PPP1R12B: variants seen among roughly 807,000 people sequenced by gnomAD.
PPP1R12B encodes the protein protein phosphatase 1 regulatory subunit 12B, also known as myosin phosphatase target subunit 2.
Under a neutral mutation model 126.1 loss-of-function variants are expected in PPP1R12B, and 76 were observed. The observed-to-expected ratio is 0.60, with a 90% confidence interval of 0.50 to 0.73. PPP1R12B has a LOEUF of 0.73. Among genes scored for constraint, PPP1R12B ranks in the 30% least tolerant of loss-of-function variants. The probability of loss-of-function intolerance (pLI) is 0.00; values close to 1 mark genes in which losing one functional copy is unlikely to be tolerated. For missense variants in PPP1R12B, 1,052 were observed against 1,205.1 expected (o/e 0.87, Z 1.88); for synonymous variants, 356 against 434.7 (o/e 0.82, Z 2.25).
chr1:202,521,806 G>C (rs1165367484), intron 18 of PPP1R12B, among the ~76,000 whole-genome samples: 2 of 152,152 alleles, frequency 1.3e-5, no homozygotes, highest in Admixed American at 1.3e-4. Context: ...AACAATAACT[G>C]CAGCTAAGAA....
Position 202,434,659 on chromosome 1 carries a change from A to G in PPP1R12B, c.1145A>G (p.Lys382Arg), listed in dbSNP as rs751324147. 2 of 1,609,332 alleles carry G rather than the reference A, an allele frequency of 1.2e-6. No homozygotes were observed. Among genetic ancestry groups the G allele is most frequent in the South Asian group, 2.2e-5 (2 of 89,510 alleles). ...SESETEKEAD[K>R]KPEAFVNHSN... The stretch of plus-strand genomic sequence containing the variant: ...ATTCTCTTGTCTTAAATAACAGATA[A>G]AAAGCCAGAAGCCTTTGTCAATCAT... The change falls in exon 9 of 24, where the codon AAA (lysine) becomes AGA (arginine). Residue 382 changes from lysine to arginine, a missense_variant. Transcript: ENST00000608999.
At chr1:202,567,693 C>G in intron 21 of PPP1R12B, 85 bp from the exon 22 acceptor site, 2 of 1,412,686 alleles carry the variant, frequency 1.4e-6, no homozygotes, top group East Asian at 4.6e-5. Flanking sequence ...TTCTAGATGT[C>G]TAGTAGTGAA....
At position 202,585,959 on chromosome 1, in the gene PPP1R12B, A is replaced by C. The variant is rs573358083; in HGVS notation, c.*5399A>C. On this transcript the variant is annotated 3_prime_UTR_variant, in exon 24 of 24. Transcript: ENST00000608999. ...ATCTACATTGGCTCTTCACACCCAA[A>C]TAGCAGACTAATCGTTTTTCTGCTT... 21 of 152,382 alleles carry C rather than the reference A, an allele frequency of 1.4e-4. No homozygotes were observed. Among genetic ancestry groups the C allele is most frequent in the Admixed American group, 1.4e-3 (21 of 15,308 alleles). The allele number at this position is 152,382 out of a possible 1,614,324, so 9.4% of individuals were successfully genotyped here.
In PPP1R12B at chr1:202,488,556, A is replaced by G. The variant is rs541457499; in HGVS notation, c.1874A>G (p.Asp625Gly). The G allele has an allele frequency of 3.7e-6, 6 of 1,612,056 alleles. No homozygotes were observed. The East Asian group carries it at 1.3e-4, about 36-fold the overall frequency. ...AGGTCCTATCTGACTCCTGTACGGG[A>G]TGAGGAAGCAGAGTCTTTACGGAAA... ...KRRSYLTPVR[D>G]EEAESLRKAR... The change falls in exon 14 of 24, where the codon GAT (aspartate) becomes GGT (glycine). Residue 625 changes from aspartate (D) to glycine (G), a missense_variant. Physicochemically the swap from Asp to Gly is moderately conservative, Grantham distance 94. Transcript: ENST00000608999.
intron 1 of PPP1R12B, among the ~76,000 whole-genome samples, chr1:202,361,333 C>T (rs1397814140): frequency 6.6e-6 from 1 of 152,222 alleles, no homozygotes; most frequent in Admixed American, 6.5e-5. Flanking sequence ...ATGAGGCCAG[C>T]ATCTGCTCAT....
intron 18 of PPP1R12B, among the ~76,000 whole-genome samples, chr1:202,539,640 GAA>G (rs1400734875): frequency 2.0e-5 from 3 of 152,150 alleles, no homozygotes; most frequent in Admixed American, 2.0e-4. Context: ...TCAAGCTAAG[GAA>G]AGACAGCATG....
chr1:202,554,178 G>A (rs1686636878), intron 18 of PPP1R12B, among the ~76,000 whole-genome samples: 1 of 152,040 alleles, frequency 6.6e-6, no homozygotes, highest in African/African-American at 2.4e-5. Context: ...GTTTCTAGAG[G>A]TATTCCACCA....
At chr1:202,384,198 G>A (rs751759089) in intron 1 of PPP1R12B, among the ~76,000 whole-genome samples, 1 of 152,044 alleles carries the variant, frequency 6.6e-6, no homozygotes, top group Non-Finnish European at 1.5e-5. Context: ...TCTGCTCCCA[G>A]GTATATATTC....
chr1:202,370,484 G>A (rs1660024009), intron 1 of PPP1R12B, among the ~76,000 whole-genome samples: 1 of 151,798 alleles, frequency 6.6e-6, no homozygotes, highest in East Asian at 1.9e-4. Context: ...TAGACATATT[G>A]TTTTTATTTC....
chr1:202,544,235 GTAGT>G (rs1190519671), intron 18 of PPP1R12B, among the ~76,000 whole-genome samples: 3 of 152,104 alleles, frequency 2.0e-5, no homozygotes, highest in South Asian at 2.1e-4. Context: ...CTGAGTCTTC[GTAGT>G]TAAAGAAAAA....
intron 15 of PPP1R12B, among the ~76,000 whole-genome samples, chr1:202,494,684 CA>C (rs1340485793): frequency 6.8e-6 from 1 of 147,708 alleles, no homozygotes; most frequent in African/African-American, 2.5e-5. Context: ...CCAGCCTGGG[CA>C]ACAGAGCAAG....
rs1417461509 is a variant in PPP1R12B at position 202,460,236 on chromosome 1, A to AT, written c.1850+11067dup. Reference sequence around the variant, plus strand: ...TAGTTTTTCTCCACAATAAGCTAAAATTGTCTTTCCCAAATAGCTCACATT... The same window carrying AT: ...TAGTTTTTCTCCACAATAAGCTAAAATTTGTCTTTCCCAAATAGCTCACATT... On this transcript the variant is annotated intron_variant, in intron 13 of 23. Transcript: ENST00000608999. Among the ~76,000 whole-genome samples, 4 of 152,256 alleles carry AT rather than the reference A, an allele frequency of 2.6e-5. 1 individual carries two copies. Among genetic ancestry groups the AT allele is most frequent in the Admixed American group, 2.0e-4 (3 of 15,294 alleles).
chr1:202,489,530 A>G (rs1397826216), intron 14 of PPP1R12B, among the ~76,000 whole-genome samples: 3 of 152,218 alleles, frequency 2.0e-5, no homozygotes, highest in Non-Finnish European at 2.9e-5. Flanking sequence ...ATAAAAAGAA[A>G]TGAAGTACTG....
chr1:202,427,275 G>C, intron 5 of PPP1R12B, 91 bp downstream of exon 5: 2 of 1,549,816 alleles, frequency 1.3e-6, no homozygotes, highest in South Asian at 2.3e-5. Flanking sequence ...ATGGCAGTCT[G>C]ACTGTTGTGA....
At chr1:202,360,954 G>A (rs1364864517) in intron 1 of PPP1R12B, among the ~76,000 whole-genome samples, 3 of 148,714 alleles carry the variant, frequency 2.0e-5, no homozygotes, top group East Asian at 2.0e-4. Context: ...ACAGTGGCGC[G>A]ATCTCGGCTC....
At chr1:202,375,682 A>C (rs1373631667) in intron 1 of PPP1R12B, among the ~76,000 whole-genome samples, 5 of 152,136 alleles carry the variant, frequency 3.3e-5, no homozygotes, top group Non-Finnish European at 7.4e-5. Flanking sequence ...TCCCAAGTAG[A>C]TAGGTCTACA....
chr1:202,494,514 A>G (rs1209219279), intron 15 of PPP1R12B, among the ~76,000 whole-genome samples: 1 of 151,274 alleles, frequency 6.6e-6, no homozygotes, highest in Non-Finnish European at 1.5e-5. Context: ...GGATTTATCT[A>G]TCTCTGAGTC....
chr1:202,386,598 C>A (rs1441980573), intron 1 of PPP1R12B, among the ~76,000 whole-genome samples: 1 of 152,196 alleles, frequency 6.6e-6, no homozygotes, highest in Non-Finnish European at 1.5e-5. Context: ...GGATTACAGG[C>A]GTGAGCCACG....
chr1:202,371,414 T>A (rs1571646437), intron 1 of PPP1R12B, among the ~76,000 whole-genome samples: 1 of 152,128 alleles, frequency 6.6e-6, no homozygotes, highest in African/African-American at 2.4e-5. Context: ...TCATTTTGGT[T>A]TTAATTTACA....
Sources: gnomAD v4.1 joint callset for allele counts (sites outside exome capture counted in the v4.1 genomes callset) on GRCh38, gnomAD v4.1.1 for gene constraint, MANE v1.5 for transcripts, NCBI Gene and HGNC (gene_info 2026-07-23, HGNC 2026-07-21) for gene names.